PWWP2A: variants seen among roughly 807,000 people sequenced by gnomAD.
The protein encoded by PWWP2A is PWWP domain-containing protein 2A.
Under a neutral mutation model 48.5 loss-of-function variants are expected in PWWP2A, and 18 were observed. The observed-to-expected ratio is 0.37, with a 90% confidence interval of 0.26 to 0.55. PWWP2A has a LOEUF of 0.55. Among genes scored for constraint, PWWP2A ranks in the 20% least tolerant of loss-of-function variants. PWWP2A has a pLI of 0.81. For synonymous variants in PWWP2A, 396 were observed against 387.7 expected (o/e 1.02, Z -0.25); for missense variants, 867 against 976.4 (o/e 0.89, Z 1.49).
At chr5:160,090,019 C>G (rs773992270), downstream of PWWP2A, 33 of 985,306 alleles carry the variant, frequency 3.3e-5, no homozygotes, top group Non-Finnish European at 3.9e-5. Flanking sequence ...TTCTTTAAAA[C>G]TTGCTTCCCT....
chr5:160,078,694 T>C lies in PWWP2A; in HGVS notation c.1670-526A>G, dbSNP rs1440630262. Among the ~76,000 whole-genome samples, 1 of 151,972 alleles carries C rather than the reference T, an allele frequency of 6.6e-6. No homozygotes were observed. The highest frequency in any genetic ancestry group is 1.5e-5 in the Non-Finnish European group (1 of 68,000). The stretch of plus-strand genomic sequence containing the variant: ...GTCCACATACTTGCAAAGAGCAAAA[T>C]AAGAAGGGAATGGAGGGTGCCTCCC... On this transcript the variant is annotated intron_variant, in intron 3 of 3. Coordinates refer to the PWWP2A transcript ENST00000456329. The surrounding 1 kb of genome is among the most constrained non-coding windows in gnomAD (Gnocchi z 4.2).
At chr5:160,102,397 C>CAAAAAAAAAAAAAAAAAAAAAAAAAAA (rs70988002) in intron 1 of PWWP2A, among the ~76,000 whole-genome samples, 2 of 64,222 alleles carry the variant, frequency 3.1e-5, no homozygotes, top group Non-Finnish European at 5.8e-5. Context: ...GACTCCATCT[C>CAAAAAAAAAAAAAAAAAAAAAAAAAAA]AAAAAAAAAA....
intron 1 of PWWP2A, chr5:160,117,836 C>A (rs1386549178): frequency 2.7e-5 from 26 of 973,916 alleles, no homozygotes; most frequent in Admixed American, 6.2e-5. Flanking sequence ...TACTAATAAG[C>A]CATTGCAAAC....
chr5:160,095,047 CAAAAAAAAAAA>C (rs70987998), intron 1 of PWWP2A, among the ~76,000 whole-genome samples: 520 of 30,880 alleles, frequency 0.017, 8 homozygotes, highest in African/African-American at 0.05. Flanking sequence ...GACTCTGTCT[CAAAAAAAAAAA>C]AAAAAAAAAA....
In PWWP2A at chr5:160,093,390, ACTCTGG is replaced by A. The variant is rs750203607; in HGVS notation, c.1254_1259del (p.Gln419_Ser420del). On this transcript the variant is annotated inframe_deletion, in exon 2 of 2. Transcript: ENST00000307063. This position sits in a 1 kb window ranked among gnomAD's most constrained non-coding sequence, Gnocchi z 5.8. ...GAGCTTTCGCATGATCCATGTTCTT[ACTCTGG>A]AGAACTTTTTTAGTACTTAACTGAG... The A allele has an allele frequency of 6.2e-7, 1 of 1,613,442 alleles. No homozygotes were observed. Among genetic ancestry groups the A allele is most frequent in the Non-Finnish European group, 8.5e-7 (1 of 1,179,784 alleles).
At chr5:160,063,184 T>C (rs1753482799) in intron 5 of PWWP2A, among the ~76,000 whole-genome samples, 1 of 152,194 alleles carries the variant, frequency 6.6e-6, no homozygotes, top group East Asian at 1.9e-4. Context: ...AGCCTGAGAC[T>C]AAAAGTTCTC....
rs3909370 is a variant in PWWP2A, at chr5:160,099,040, C to G, written c.585-4975G>C. Reference sequence around the variant, plus strand: ...CTCGGAGTGTTTGCAGTGGAAATTCCTAAGTCCTGCCCAAAACATAAATCA... The same window carrying G: ...CTCGGAGTGTTTGCAGTGGAAATTCGTAAGTCCTGCCCAAAACATAAATCA... On this transcript the variant is annotated intron_variant, in intron 1 of 1. Transcript: ENST00000307063. Among the ~76,000 whole-genome samples, 4 of 152,326 alleles carry G rather than the reference C, an allele frequency of 2.6e-5. No homozygotes were observed. In the East Asian group the frequency reaches 7.7e-4, roughly 29 times the overall value.
chr5:160,105,926 T>C (rs367646083), intron 1 of PWWP2A, among the ~76,000 whole-genome samples: 3 of 152,292 alleles, frequency 2.0e-5, no homozygotes, highest in East Asian at 1.9e-4. Context: ...CTTCCTCTTA[T>C]GAACAAGTAG....
the PWWP2A span, among the ~76,000 whole-genome samples, chr5:160,045,170 G>A: frequency 6.6e-6 from 1 of 152,134 alleles, no homozygotes; most frequent in Non-Finnish European, 1.5e-5. Context: ...TGCCTTGTAA[G>A]CGTGATTAGC....
In PWWP2A at chr5:160,091,638, A is replaced by G. The variant is rs1239168987; in HGVS notation, c.*744T>C. ...TATTTACAAATCCAAAATCAAACCTATCTAAACTCCCAAACCAGAAGCTTG... is the reference window on the plus strand; with the variant it reads ...TATTTACAAATCCAAAATCAAACCTGTCTAAACTCCCAAACCAGAAGCTTG... On this transcript the variant is annotated 3_prime_UTR_variant, in exon 2 of 2. Transcript: ENST00000307063. 3 of 984,784 alleles carry G rather than the reference A, an allele frequency of 3.0e-6. No individual in the cohort carries two copies. The African/African-American group carries it at 5.3e-5, about 17-fold the overall frequency. The allele number at this position is 984,784 out of a possible 1,614,324, so 61.0% of individuals were successfully genotyped here. A position where few individuals can be genotyped will look rare whatever the true frequency, so the allele number is the denominator to read the frequency against.
rs551967044 is a variant in PWWP2A at position 160,099,945 on chromosome 5, C to T, written c.585-5880G>A. On this transcript the variant is annotated intron_variant, in intron 1 of 1. Transcript: ENST00000307063. Reference sequence around the variant, plus strand: ...CCTCCCAAAGTATTAGGATTACAGGCGTGAGCCACTGCACCTGGCCAGTGC... The same window carrying T: ...CCTCCCAAAGTATTAGGATTACAGGTGTGAGCCACTGCACCTGGCCAGTGC... 3.2e-4 allele frequency among the ~76,000 whole-genome samples: 48 copies of T among 151,928 alleles called. 1 individual carries two copies. In the South Asian group the frequency reaches 9.6e-3, roughly 30 times the overall value.
intron 1 of PWWP2A, among the ~76,000 whole-genome samples, chr5:160,095,285 T>C (rs113574196): frequency 0.013 from 1,942 of 152,212 alleles, 48 homozygotes; most frequent in African/African-American, 0.044. Flanking sequence ...AACCATGGTA[T>C]CTAATACGAA....
intron 1 of PWWP2A, among the ~76,000 whole-genome samples, chr5:160,100,832 A>G (rs893251335): frequency 2.0e-5 from 3 of 152,230 alleles, no homozygotes; most frequent in Non-Finnish European, 4.4e-5. Context: ...AAATTTTACA[A>G]AAAGTTAAAA....
At chr5:160,051,153 C>T in the PWWP2A span, 5 of 1,605,466 alleles carry the variant, frequency 3.1e-6, no homozygotes, top group East Asian at 2.2e-5. Context: ...AATTGAAGAA[C>T]GTAATGAAAG....
downstream of PWWP2A, among the ~76,000 whole-genome samples, chr5:160,061,022 A>G (rs558652701): frequency 6.6e-6 from 1 of 152,306 alleles, no homozygotes; most frequent in East Asian, 1.9e-4. Flanking sequence ...AGGATTACTA[A>G]CCCTGAAAAC....
downstream of PWWP2A, among the ~76,000 whole-genome samples, chr5:160,087,184 G>T (rs1014120539): frequency 6.6e-6 from 1 of 152,104 alleles, no homozygotes; most frequent in African/African-American, 2.4e-5. Context: ...TTTGATAGCA[G>T]CCTGGGCAAC....
chr5:160,071,920 T>C (rs1317319233), downstream of PWWP2A, among the ~76,000 whole-genome samples: 2 of 152,204 alleles, frequency 1.3e-5, no homozygotes, highest in African/African-American at 2.4e-5. Flanking sequence ...AGAGAAACTC[T>C]TCCTCTGATC....
Position 160,066,296 on chromosome 5 carries a change from A to ATTTTTTTTTTTTTTTTTTTTTTTT in PWWP2A, c.*236+251_*236+252insAAAAAAAAAAAAAAAAAAAAAAAA, listed in dbSNP as rs59262456. On this transcript the variant is annotated intron_variant and NMD_transcript_variant, in intron 4 of 5. Coordinates refer to the PWWP2A transcript ENST00000524050. ...AGCATTATGCTAGAAAGTGGTTCTC[A>ATTTTTTTTTTTTTTTTTTTTTTTT]TTTTTTTTTTTTTTTTTTTGAGGGG... Among the ~76,000 whole-genome samples the ATTTTTTTTTTTTTTTTTTTTTTTT allele has an allele frequency of 3.0e-4, 28 of 94,776 alleles. 1 individual carries two copies. The highest frequency in any genetic ancestry group is 1.1e-3 in the African/African-American group (27 of 24,618). 62.2% of individuals were successfully genotyped at this position (94,776 alleles called of 152,430 possible). A position where few individuals can be genotyped will look rare whatever the true frequency, so the allele number is the denominator to read the frequency against.
rs34967107 is a variant in PWWP2A, at chr5:160,063,966, C to CTTTTT, written c.*237-298_*237-294dup. Among the ~76,000 whole-genome samples, 110 of 106,652 alleles carry CTTTTT rather than the reference C, an allele frequency of 1.0e-3. 6 individuals are homozygous for CTTTTT. The highest frequency in any genetic ancestry group is 1.6e-3 in the South Asian group (5 of 3,160). The allele number at this position is 106,652 out of a possible 152,430, so 70.0% of individuals were successfully genotyped here. A position where few individuals can be genotyped will look rare whatever the true frequency, so the allele number is the denominator to read the frequency against. On this transcript the variant is annotated intron_variant and NMD_transcript_variant, in intron 4 of 5. Transcript: ENST00000524050. ...AAGAACCGCTGGCTATAGACCATGA[C>CTTTTT]TTTTTTTTTTTTTTTTTTTTGAGAC...
Sources: allele counts gnomAD v4.1 joint callset (sites outside exome capture counted in the v4.1 genomes callset), GRCh38; gene constraint gnomAD v4.1.1; non-coding constraint Gnocchi (gnomAD v3.1); transcripts MANE v1.5; gene names NCBI Gene and HGNC (gene_info 2026-07-23, HGNC 2026-07-21).